The following PAWR variants were observed in gnomAD, a reference collection of about 807,000 sequenced individuals.
PAWR encodes PRKC apoptosis WT1 regulator protein.
A neutral mutation model predicts 32.0 loss-of-function variants in PAWR; 23 were observed. The observed-to-expected ratio is 0.72, with a 90% CI of 0.52 to 1.02. The LOEUF (loss-of-function observed/expected upper bound fraction) is 1.02. PAWR is among the 50% of genes least tolerant of loss of function. The pLI is 0.00. For synonymous variants in PAWR, 226 were observed against 187.1 expected (o/e 1.21, Z -1.70); for missense variants, 457 against 437.7 (o/e 1.04, Z -0.39).
chr12:79,610,339 G>C (rs1874377464), intron 4 of PAWR, among the ~76,000 whole-genome samples: 1 of 152,140 alleles, frequency 6.6e-6, no homozygotes, highest in African/African-American at 2.4e-5. Flanking sequence ...TTGAGTTAGG[G>C]TCAAACTGTT....
intron 5 of PAWR, among the ~76,000 whole-genome samples, chr12:79,596,169 A>C (rs1873740356): frequency 6.6e-6 from 1 of 152,196 alleles, no homozygotes; most frequent in Non-Finnish European, 1.5e-5. Context: ...GAGTCATCTG[A>C]CTTGCACTGA....
intron 6 of PAWR, among the ~76,000 whole-genome samples, chr12:79,593,584 C>CG (rs951867087): frequency 1.3e-5 from 2 of 151,040 alleles, no homozygotes; most frequent in East Asian, 2.0e-4. Context: ...CACTTGAACC[C>CG]GGGGGGTGGA....
In PAWR at chr12:79,667,582, T is replaced by C. The variant is rs1176660862; in HGVS notation, c.516+22147A>G. On this transcript the variant is annotated intron_variant, in intron 2 of 6. Coordinates refer to ENST00000328827, the MANE Select transcript of PAWR (RefSeq NM_002583.4). ...TGCAAGCAACTATAATGTATAGATCTTATTTGGACAAAATATAAAAGACAT... is the reference window on the plus strand; with the variant it reads ...TGCAAGCAACTATAATGTATAGATCCTATTTGGACAAAATATAAAAGACAT... 2.6e-5 allele frequency among the ~76,000 whole-genome samples: 4 copies of C among 152,222 alleles called. No individual in the cohort carries two copies. The East Asian group carries it at 7.7e-4, about 29-fold the overall frequency.
At chr12:79,658,995 G>GA (rs1056419558) in intron 2 of PAWR, among the ~76,000 whole-genome samples, 3 of 148,516 alleles carry the variant, frequency 2.0e-5, no homozygotes, top group African/African-American at 2.5e-5. Context: ...AAAAGAAAAA[G>GA]AAAAAAAACC....
intron 4 of PAWR, chr12:79,597,118 G>A (rs935780846): frequency 6.6e-6 from 1 of 152,018 alleles, no homozygotes; most frequent in African/African-American, 2.4e-5. Flanking sequence ...GAGTGCAGTG[G>A]TGCAATCACA....
intron 3 of PAWR, among the ~76,000 whole-genome samples, chr12:79,620,224 G>A (rs1238205040): frequency 6.6e-6 from 1 of 151,974 alleles, no homozygotes; most frequent in Non-Finnish European, 1.5e-5. Context: ...GATAAAATAA[G>A]AAAATGAAAA....
chr12:79,646,486 CAT>C (rs781127006), intron 2 of PAWR, among the ~76,000 whole-genome samples: 9 of 152,192 alleles, frequency 5.9e-5, no homozygotes, highest in African/African-American at 9.6e-5. Context: ...TTCCCCAACA[CAT>C]GTCTCCAAAT....
At chr12:79,688,636 GAC>G (rs1878803641) in intron 2 of PAWR, among the ~76,000 whole-genome samples, 1 of 151,982 alleles carries the variant, frequency 6.6e-6, no homozygotes, top group African/African-American at 2.4e-5. Flanking sequence ...GTCCTACAAA[GAC>G]ACACTATGAT....
At chr12:79,626,444 A>C (rs1407478231) in intron 2 of PAWR, among the ~76,000 whole-genome samples, 2 of 150,716 alleles carry the variant, frequency 1.3e-5, no homozygotes, top group African/African-American at 4.9e-5. Flanking sequence ...TATTTTTAGT[A>C]GATATGAGGG....
At chr12:79,608,553 C>T (rs1874299654) in intron 4 of PAWR, among the ~76,000 whole-genome samples, 1 of 152,176 alleles carries the variant, frequency 6.6e-6, no homozygotes, top group Admixed American at 6.5e-5. Context: ...GGTAGCAGTC[C>T]ACACCCTGAG....
intron 2 of PAWR, among the ~76,000 whole-genome samples, chr12:79,626,526 T>G (rs1290672272): frequency 6.6e-6 from 1 of 151,702 alleles, no homozygotes; most frequent in East Asian, 2.0e-4. Flanking sequence ...CCCAAAGTGC[T>G]GGGATTACAG....
intron 4 of PAWR, among the ~76,000 whole-genome samples, chr12:79,607,447 G>T (rs1874231401): frequency 1.3e-5 from 2 of 152,062 alleles, no homozygotes; most frequent in South Asian, 4.1e-4. Context: ...GCTGATTTCT[G>T]GCCAGGTACA....
chr12:79,643,693 C>T (rs995775261), intron 2 of PAWR, among the ~76,000 whole-genome samples: 1 of 152,088 alleles, frequency 6.6e-6, no homozygotes, highest in Non-Finnish European at 1.5e-5. Flanking sequence ...ATAGTCAGCT[C>T]ATTTGCAGTT....
chr12:79,675,978 G>A lies in PAWR; in HGVS notation c.516+13751C>T, dbSNP rs550786720. On this transcript the variant is annotated intron_variant, in intron 2 of 6. Transcript: ENST00000328827. ...CACTGACCCCATTGTGAAGCTGGAA[G>A]CACAGGAGAAAGAAGTGACCCTGAT... Among the ~76,000 whole-genome samples, 5 of 151,942 alleles carry A rather than the reference G, an allele frequency of 3.3e-5. No individual in the cohort carries two copies. In the East Asian group the frequency reaches 5.8e-4, roughly 18 times the overall value.
chr12:79,604,607 A>T (rs1874095092), intron 4 of PAWR: 1 of 1,279,052 alleles, frequency 7.8e-7, no homozygotes, highest in South Asian at 1.3e-5. Context: ...ATAACCAACA[A>T]CTACTTAACT....
chr12:79,639,831 T>TCCTTTTCCTTTC (rs879765629), intron 2 of PAWR, among the ~76,000 whole-genome samples: 1 of 126,430 alleles, frequency 7.9e-6, no homozygotes, highest in African/African-American at 3.9e-5. Context: ...CTTTTCCTTT[T>TCCTTTTCCTTTC]CCATTCCTAT....
At chr12:79,620,047 T>C (rs1426221699) in intron 3 of PAWR, among the ~76,000 whole-genome samples, 4 of 152,214 alleles carry the variant, frequency 2.6e-5, no homozygotes, top group Admixed American at 6.5e-5. Context: ...GTAATACTGA[T>C]GTTATTCAAA....
intron 2 of PAWR, among the ~76,000 whole-genome samples, chr12:79,666,806 G>A (rs1877628039): frequency 6.6e-6 from 1 of 152,110 alleles, no homozygotes; most frequent in Admixed American, 6.5e-5. Context: ...AAAAGTAAAT[G>A]CTCATACATA....
chr12:79,662,105 G>A (rs1877379322), intron 2 of PAWR, among the ~76,000 whole-genome samples: 1 of 150,520 alleles, frequency 6.6e-6, no homozygotes, highest in Non-Finnish European at 1.5e-5. Context: ...ACAGTGGCAT[G>A]TGCCTGTGGT....
Sources: allele counts gnomAD v4.1 joint callset (sites outside exome capture counted in the v4.1 genomes callset), GRCh38; gene constraint gnomAD v4.1.1; transcripts MANE v1.5; gene names NCBI Gene and HGNC (gene_info 2026-07-23, HGNC 2026-07-21).